MSRA: variants seen among roughly 807,000 people sequenced by gnomAD.
MSRA encodes mitochondrial peptide methionine sulfoxide reductase.
A neutral mutation model predicts 31.3 loss-of-function variants in MSRA; 54 were observed. The ratio of observed to expected loss-of-function variants is 1.73; its 90% confidence interval spans 1.39 to 2.17. MSRA has a LOEUF of 2.17. MSRA is among the 30% of genes most tolerant of loss of function. The pLI is 0.00. For missense variants in MSRA, 507 were observed against 300.9 expected, an observed-to-expected ratio of 1.69 and a Z score of -5.07; for synonymous variants, 169 against 116.5, an observed-to-expected ratio of 1.45 and a Z score of -2.90.
chr8:10,226,561 C>T (rs1043010893), intron 2 of MSRA, among the ~76,000 whole-genome samples: 2 of 152,166 alleles, frequency 1.3e-5, no homozygotes, highest in African/African-American at 4.8e-5. Flanking sequence ...GATCTCCTAC[C>T]CACTCTAGTA....
chr8:10,219,120 C>T (rs960463008), intron 2 of MSRA, among the ~76,000 whole-genome samples: 1 of 152,156 alleles, frequency 6.6e-6, no homozygotes, highest in African/African-American at 2.4e-5. Flanking sequence ...TGTGCAATGC[C>T]TTCAAACTGT....
Position 10,169,160 on chromosome 8 carries a change from A to T in MSRA, c.143-38673A>T, listed in dbSNP as rs553102099. Among the ~76,000 whole-genome samples the T allele has an allele frequency of 3.9e-5, 6 of 152,336 alleles. No individual in the cohort carries two copies. The South Asian group carries it at 1.2e-3, about 32-fold the overall frequency. ...TGTGATGATGTCCAGAGACAGGGGC[A>T]GACTCCTGATCTGTGGCTGTGCTTG... On this transcript the variant is annotated intron_variant, in intron 1 of 5. Coordinates refer to ENST00000317173, the MANE Select transcript of MSRA (RefSeq NM_012331.5).
intron 4 of MSRA, among the ~76,000 whole-genome samples, chr8:10,312,184 G>C (rs1199027333): frequency 1.3e-5 from 2 of 151,946 alleles, no homozygotes; most frequent in East Asian, 3.9e-4. Context: ...AGAAAGAAAT[G>C]AAATGGGAAG....
chr8:10,083,771 A>G lies in MSRA; in HGVS notation c.142+29113A>G, dbSNP rs1278965348. 2.0e-5 allele frequency among the ~76,000 whole-genome samples: 3 copies of G among 152,116 alleles called. No homozygotes were observed. The East Asian group carries it at 5.8e-4, about 29-fold the overall frequency. ...TTTGAAGATTTAAGGTAATAACACA[A>G]TTTTGATGTCTGTGGATTAATGGCG... On this transcript the variant is annotated intron_variant, in intron 1 of 5. Coordinates refer to ENST00000317173, the MANE Select transcript of MSRA (RefSeq NM_012331.5).
chr8:10,258,081 C>G (rs76367781), intron 3 of MSRA, among the ~76,000 whole-genome samples: 5,236 of 152,162 alleles, frequency 0.034, 122 homozygotes, highest in East Asian at 0.082. Flanking sequence ...TTCATAACAG[C>G]TGGGGGATAG....
At chr8:10,134,727 A>C (rs1000600513) in intron 1 of MSRA, among the ~76,000 whole-genome samples, 1 of 152,256 alleles carries the variant, frequency 6.6e-6, no homozygotes, top group Non-Finnish European at 1.5e-5. Context: ...TGAAATGTCT[A>C]GGAGGGCAGT....
chr8:10,366,071 C>T (rs988019204), intron 5 of MSRA, among the ~76,000 whole-genome samples: 20 of 152,216 alleles, frequency 1.3e-4, no homozygotes, highest in African/African-American at 4.8e-4. Flanking sequence ...CTGGGGACAC[C>T]TGGGGGCCTG....
chr8:10,174,540 G>T (rs1805871010), intron 1 of MSRA, among the ~76,000 whole-genome samples: 1 of 151,986 alleles, frequency 6.6e-6, no homozygotes. Context: ...TCCCCTCTGT[G>T]AGCTCAGGCC....
chr8:10,266,161 A>G (rs1798736926), intron 3 of MSRA, among the ~76,000 whole-genome samples: 1 of 152,166 alleles, frequency 6.6e-6, no homozygotes, highest in Non-Finnish European at 1.5e-5. Context: ...CTTTTTAAGA[A>G]ATTTCCAAAC....
In MSRA at chr8:10,212,543, A is replaced by G. The variant is rs74732689; in HGVS notation, c.211+4642A>G. On this transcript the variant is annotated intron_variant, in intron 2 of 5. Transcript: ENST00000317173. ...ACGCTAACTTTGGAAATTATATTCA[A>G]TAAATATTGTTGTGTTCTTCCTGAA... Among the ~76,000 whole-genome samples, 322 of 152,372 alleles carry G rather than the reference A, an allele frequency of 2.1e-3. 2 individuals are homozygous for G. Among genetic ancestry groups the G allele is most frequent in the African/African-American group, 7.4e-3 (306 of 41,598 alleles).
chr8:10,224,042 T>A (rs1810765487), intron 2 of MSRA, among the ~76,000 whole-genome samples: 1 of 152,184 alleles, frequency 6.6e-6, no homozygotes, highest in Non-Finnish European at 1.5e-5. Flanking sequence ...AGGATCATCA[T>A]TTGTTCAATG....
intron 5 of MSRA, among the ~76,000 whole-genome samples, chr8:10,380,586 C>T (rs1806008525): frequency 6.6e-6 from 1 of 152,220 alleles, no homozygotes; most frequent in Admixed American, 6.5e-5. Context: ...TAGAAATATG[C>T]AGTTACATTT....
At chr8:10,420,943 G>A (rs557460930) in intron 5 of MSRA, among the ~76,000 whole-genome samples, 1 of 151,038 alleles carries the variant, frequency 6.6e-6, no homozygotes, top group South Asian at 2.1e-4. Flanking sequence ...GCTGCACTGA[G>A]CCCTGATCAC....
chr8:10,057,930 C>A (rs1035034322), intron 1 of MSRA, among the ~76,000 whole-genome samples: 1 of 152,176 alleles, frequency 6.6e-6, no homozygotes, highest in South Asian at 2.1e-4. Context: ...GGCCGTCTTT[C>A]ATGTGGAACT....
chr8:10,081,858 A>C (rs1163133571), intron 1 of MSRA, among the ~76,000 whole-genome samples: 1 of 152,050 alleles, frequency 6.6e-6, no homozygotes, highest in African/African-American at 2.4e-5. Context: ...TCTGCAGTCA[A>C]ATGTTCTACC....
chr8:10,385,373 T>C (rs1375782559), intron 5 of MSRA, among the ~76,000 whole-genome samples: 1 of 152,180 alleles, frequency 6.6e-6, no homozygotes, highest in Non-Finnish European at 1.5e-5. Context: ...AATTAGGGCC[T>C]GGTTGAGGAG....
At chr8:10,261,279 T>C (rs970370083) in intron 3 of MSRA, among the ~76,000 whole-genome samples, 1 of 152,130 alleles carries the variant, frequency 6.6e-6, no homozygotes, top group Non-Finnish European at 1.5e-5. Context: ...TTTTTAAAGC[T>C]TTAAAAATTA....
At chr8:10,166,562 T>G (rs1422388193) in intron 1 of MSRA, among the ~76,000 whole-genome samples, 7 of 152,158 alleles carry the variant, frequency 4.6e-5, no homozygotes, top group South Asian at 2.1e-4. Flanking sequence ...TGGGGTTGTT[T>G]GTGTATGCAT....
At chr8:10,417,447 T>C (rs79066413) in intron 5 of MSRA, among the ~76,000 whole-genome samples, 1,188 of 24,072 alleles carry the variant, frequency 0.049, 6 homozygotes, top group Non-Finnish European at 0.088. Context: ...CACACACACA[T>C]ACGCACACTC....
Sources: gnomAD v4.1 joint callset for allele counts (sites outside exome capture counted in the v4.1 genomes callset) on GRCh38, gnomAD v4.1.1 for gene constraint, MANE v1.5 for transcripts, NCBI Gene and HGNC (gene_info 2026-07-23, HGNC 2026-07-21) for gene names.